The following KIAA0513 variants were observed in gnomAD, a reference collection of about 807,000 sequenced individuals.
KIAA0513 encodes the protein KIAA0513.
In KIAA0513, 39 loss-of-function variants were observed where a neutral mutation model predicts 56.5. That is an observed-to-expected ratio of 0.69 (90% CI 0.53 to 0.90). KIAA0513 has a LOEUF of 0.90. KIAA0513 is among the 40% of genes least tolerant of loss of function. The pLI is 0.00. For missense variants in KIAA0513, 591 were observed against 535.2 expected (o/e 1.10, Z -1.03); for synonymous variants, 268 against 215.6 (o/e 1.24, Z -2.13).
In KIAA0513 at chr16:85,091,435, T is replaced by C. The variant is rs1264788026; in HGVS notation, c.*3110T>C. The C allele has an allele frequency of 6.6e-6, 1 of 152,178 alleles. No homozygotes were observed. Among genetic ancestry groups the C allele is most frequent in the East Asian group, 1.9e-4 (1 of 5,206 alleles). The allele number at this position is 152,178 out of a possible 1,614,324, so 9.4% of individuals were successfully genotyped here. A position where few individuals can be genotyped will look rare whatever the true frequency, so the allele number is the denominator to read the frequency against. ...AAGTGAAATGGGGTAGACTGTATGA[T>C]TTTCCTATTGCCAAAAGAAAGAAAG... On this transcript the variant is annotated 3_prime_UTR_variant, in exon 13 of 13. Coordinates refer to ENST00000683363, the MANE Select transcript of KIAA0513 (RefSeq NM_001388359.1).
At position 85,092,770 on chromosome 16, in the gene KIAA0513, G is replaced by C. The variant is rs1440168143; in HGVS notation, c.*4445G>C. ...GGGAGTCGGATGCCAGCTGCACCCC[G>C]CCTGGCTCGCACAGGCTAAGACCAC... On this transcript the variant is annotated 3_prime_UTR_variant, in exon 13 of 13. Transcript: ENST00000683363. 6.6e-6 allele frequency: 1 copy of C among 152,258 alleles called. No individual in the cohort carries two copies. The highest frequency in any genetic ancestry group is 2.4e-5 in the African/African-American group (1 of 41,450). 9.4% of individuals were successfully genotyped at this position (152,258 alleles called of 1,614,324 possible). A position where few individuals can be genotyped will look rare whatever the true frequency, so the allele number is the denominator to read the frequency against.
intron 2 of KIAA0513, among the ~76,000 whole-genome samples, chr16:85,068,116 C>T (rs1037140548): frequency 6.6e-6 from 1 of 151,318 alleles, no homozygotes; most frequent in Non-Finnish European, 1.5e-5. Flanking sequence ...CGGCTGAGCT[C>T]TGTTATTTTC....
intron 10 of KIAA0513, among the ~76,000 whole-genome samples, chr16:85,083,480 C>G (rs1285243105): frequency 6.6e-6 from 1 of 152,184 alleles, no homozygotes; most frequent in Non-Finnish European, 1.5e-5. Flanking sequence ...ATGAACAAAG[C>G]CCCTAGGTTT....
Position 85,088,642 on chromosome 16 carries a change from T to G in KIAA0513, c.*317T>G. ...AGGGGAAGGACTCCATGGGCCATCGTGGGCCAAGGGCTGGCGAGGGTGGGG... is the reference window on the plus strand; with the variant it reads ...AGGGGAAGGACTCCATGGGCCATCGGGGGCCAAGGGCTGGCGAGGGTGGGG... On this transcript the variant is annotated 3_prime_UTR_variant, in exon 13 of 13. Coordinates refer to ENST00000683363, the MANE Select transcript of KIAA0513 (RefSeq NM_001388359.1). 2 of 310,382 alleles carry G rather than the reference T, an allele frequency of 6.4e-6. No homozygotes were observed. The highest frequency in any genetic ancestry group is 6.5e-5 in the South Asian group (1 of 15,454). 19.2% of individuals were successfully genotyped at this position (310,382 alleles called of 1,614,324 possible). A position where few individuals can be genotyped will look rare whatever the true frequency, so the allele number is the denominator to read the frequency against.
chr16:85,077,400 C>T (rs370217645), intron 5 of KIAA0513, 25 bp from the exon 6 acceptor site: 71 of 1,610,848 alleles, frequency 4.4e-5, no homozygotes, highest in Admixed American at 8.4e-5. Context: ...TCACTGGCCT[C>T]GTCTTGTTCC....
intron 1 of KIAA0513, among the ~76,000 whole-genome samples, chr16:85,044,491 G>C (rs2073144543): frequency 6.6e-6 from 1 of 151,360 alleles, no homozygotes; most frequent in Admixed American, 6.6e-5. Flanking sequence ...ACAAAGTAAT[G>C]CTCCTCCTTT....
In KIAA0513 at chr16:85,054,763, G is replaced by A. The variant is rs192233628; in HGVS notation, c.-172-12137G>A. Among the ~76,000 whole-genome samples, 876 of 151,530 alleles carry A rather than the reference G, an allele frequency of 5.8e-3. 16 individuals carry two copies. The highest frequency in any genetic ancestry group is 0.048 in the Admixed American group (726 of 15,216). ...TGTTTCTGTACAGTATCATCCTGTC[G>A]CCAGCAGTGTGCCCTTCCCAGAATG... On this transcript the variant is annotated intron_variant, in intron 1 of 12. Coordinates refer to ENST00000683363, the MANE Select transcript of KIAA0513 (RefSeq NM_001388359.1).
chr16:85,037,617 A>G (rs1173260841), intron 1 of KIAA0513, among the ~76,000 whole-genome samples: 1 of 152,216 alleles, frequency 6.6e-6, no homozygotes, highest in African/African-American at 2.4e-5. Flanking sequence ...AAACTAGTCT[A>G]ATCCGCACTC....
At chr16:85,047,805 C>T (rs1567525861) in intron 1 of KIAA0513, among the ~76,000 whole-genome samples, 1 of 152,182 alleles carries the variant, frequency 6.6e-6, no homozygotes, top group Non-Finnish European at 1.5e-5. Context: ...TGTATTTAGT[C>T]CAGGCTGGGG....
chr16:85,045,098 A>T (rs1274399451), intron 1 of KIAA0513, among the ~76,000 whole-genome samples: 1 of 151,802 alleles, frequency 6.6e-6, no homozygotes, highest in Non-Finnish European at 1.5e-5. Flanking sequence ...AGCCTGGGGG[A>T]CAGAGCGAGA....
At chr16:85,039,673 A>T (rs1307017619) in intron 1 of KIAA0513, among the ~76,000 whole-genome samples, 1 of 152,012 alleles carries the variant, frequency 6.6e-6, no homozygotes, top group Non-Finnish European at 1.5e-5. Flanking sequence ...GGGTTTCGCC[A>T]TGTTGGCCAG....
At position 85,091,649 on chromosome 16, in the gene KIAA0513, A is replaced by T. The variant is rs145603540; in HGVS notation, c.*3324A>T. On this transcript the variant is annotated 3_prime_UTR_variant, in exon 13 of 13. Coordinates refer to ENST00000683363, the MANE Select transcript of KIAA0513 (RefSeq NM_001388359.1). The stretch of plus-strand genomic sequence containing the variant: ...AGTCTCGTCTTCTTTCCTTCCTGTG[A>T]GTTGAAACCAAACAGGCCTCTCGCT... The T allele has an allele frequency of 6.6e-6, 1 of 152,182 alleles. No homozygotes were observed. The allele number at this position is 152,182 out of a possible 1,614,324, so 9.4% of individuals were successfully genotyped here. A position where few individuals can be genotyped will look rare whatever the true frequency, so the allele number is the denominator to read the frequency against.
At chr16:85,051,846 G>A (rs1289695280) in intron 1 of KIAA0513, among the ~76,000 whole-genome samples, 1 of 151,106 alleles carries the variant, frequency 6.6e-6, no homozygotes, top group Non-Finnish European at 1.5e-5. Flanking sequence ...AAGAGACGGG[G>A]TCTTGCTGTG....
Position 85,078,410 on chromosome 16 carries a change from C to G in KIAA0513, c.783-5C>G. On this transcript the variant is annotated splice_polypyrimidine_tract_variant and splice_region_variant and intron_variant, in intron 6 of 12. Coordinates refer to ENST00000683363, the MANE Select transcript of KIAA0513 (RefSeq NM_001388359.1). ...TGTGTCATCATTGTGCCTTCTCTCC[C>G]TCAGGGAAGACGAGAACAAACCCCA... The G allele has an allele frequency of 1.2e-6, 2 of 1,614,026 alleles. No individual in the cohort carries two copies. Among genetic ancestry groups the G allele is most frequent in the African/African-American group, 2.7e-5 (2 of 75,062 alleles).
In KIAA0513 at chr16:85,090,905, G is replaced by A. The variant is rs1222344068; in HGVS notation, c.*2580G>A. ...GTTTCCTCTCTTCCCCCAGGACCTG[G>A]GCAGAGCAGGCATGAGCTGGGCTGT... On this transcript the variant is annotated 3_prime_UTR_variant, in exon 13 of 13. Transcript: ENST00000683363. The A allele has an allele frequency of 6.6e-6, 1 of 152,408 alleles. No homozygotes were observed. Among genetic ancestry groups the A allele is most frequent in the Non-Finnish European group, 1.5e-5 (1 of 68,204 alleles). 9.4% of individuals were successfully genotyped at this position (152,408 alleles called of 1,614,324 possible).
chr16:85,058,936 C>T (rs2073366677), intron 1 of KIAA0513, among the ~76,000 whole-genome samples: 1 of 152,160 alleles, frequency 6.6e-6, no homozygotes, highest in Non-Finnish European at 1.5e-5. Context: ...AAATCTACTG[C>T]CCAACTGCCA....
chr16:85,049,376 G>T (rs570571297), intron 1 of KIAA0513, among the ~76,000 whole-genome samples: 1 of 152,218 alleles, frequency 6.6e-6, no homozygotes. Context: ...GTGGAGGTTG[G>T]TTCCGTTCCA....
chr16:85,090,718 C>G lies in KIAA0513; in HGVS notation c.*2393C>G, dbSNP rs1408297993. Reference sequence around the variant, plus strand: ...AGGTCTCCTCTGTGCTCCATCCACACAGGATGCCGGAGAGACAGCCCCTTG... The same window carrying G: ...AGGTCTCCTCTGTGCTCCATCCACAGAGGATGCCGGAGAGACAGCCCCTTG... On this transcript the variant is annotated 3_prime_UTR_variant, in exon 13 of 13. Transcript: ENST00000683363. 1 of 152,314 alleles carries G rather than the reference C, an allele frequency of 6.6e-6. No individual in the cohort carries two copies. The highest frequency in any genetic ancestry group is 1.5e-5 in the Non-Finnish European group (1 of 68,090). The allele number at this position is 152,314 out of a possible 1,614,324, so 9.4% of individuals were successfully genotyped here.
At chr16:85,032,039 A>G (rs7202648) in intron 1 of KIAA0513, among the ~76,000 whole-genome samples, 2,185 of 152,232 alleles carry the variant, frequency 0.014, 66 homozygotes, top group African/African-American at 0.05. Flanking sequence ...AGCAACCGAA[A>G]TTTATTCTCA....
Sources: gnomAD v4.1 joint callset for allele counts (sites outside exome capture counted in the v4.1 genomes callset) on GRCh38, gnomAD v4.1.1 for gene constraint, MANE v1.5 for transcripts, NCBI Gene and HGNC (gene_info 2026-07-23, HGNC 2026-07-21) for gene names.